MTUS2: variants seen among roughly 807,000 people sequenced by gnomAD.
The protein encoded by MTUS2 is microtubule-associated tumor suppressor candidate 2.
Under a neutral mutation model 114.1 loss-of-function variants are expected in MTUS2, and 40 were observed. That is an observed-to-expected ratio of 0.35 (90% confidence interval 0.27 to 0.46). The LOEUF is 0.46. MTUS2 is among the 20% of genes least tolerant of loss of function. The probability of loss-of-function intolerance (pLI) is 1.00; values close to 1 mark genes in which losing one functional copy is unlikely to be tolerated. For synonymous variants in MTUS2, 688 were observed against 672.0 expected, an observed-to-expected ratio of 1.02 and a Z score of -0.37; for missense variants, 1,679 against 1,705.4, an observed-to-expected ratio of 0.98 and a Z score of 0.27.
intron 6 of MTUS2, among the ~76,000 whole-genome samples, chr13:29,298,767 C>T (rs1899060468): frequency 6.6e-6 from 1 of 152,152 alleles, no homozygotes. Context: ...ATGTAAATAA[C>T]TCTAAAAGCA....
intron 2 of MTUS2, among the ~76,000 whole-genome samples, chr13:28,861,443 T>TTC (rs1876976040): frequency 6.6e-6 from 1 of 150,668 alleles, no homozygotes; most frequent in Non-Finnish European, 1.5e-5. Flanking sequence ...TTTTTTCTTT[T>TTC]TTTTTTTTTT....
chr13:29,278,885 C>T (rs1179390237), intron 5 of MTUS2, among the ~76,000 whole-genome samples: 1 of 152,118 alleles, frequency 6.6e-6, no homozygotes, highest in East Asian at 1.9e-4. Context: ...TCAGATTTAC[C>T]TCAATCCTTT....
At chr13:28,918,231 G>C (rs1880853613) in intron 2 of MTUS2, among the ~76,000 whole-genome samples, 1 of 151,856 alleles carries the variant, frequency 6.6e-6, no homozygotes, top group South Asian at 2.1e-4. Flanking sequence ...TTTCTTTGTT[G>C]ATTTTCTGTT....
chr13:29,227,029 A>G (rs906331988), intron 5 of MTUS2, among the ~76,000 whole-genome samples: 11 of 152,144 alleles, frequency 7.2e-5, no homozygotes, highest in African/African-American at 2.7e-4. Context: ...AGGCTGAGGC[A>G]GGTGGATCTC....
intron 5 of MTUS2, among the ~76,000 whole-genome samples, chr13:29,261,127 A>T (rs1443450799): frequency 6.6e-6 from 1 of 152,212 alleles, no homozygotes; most frequent in Non-Finnish European, 1.5e-5. Context: ...CCAAGAGGGG[A>T]GAGAAACTAG....
At chr13:29,438,602 G>A (rs547045059) in intron 8 of MTUS2, among the ~76,000 whole-genome samples, 19 of 152,166 alleles carry the variant, frequency 1.2e-4, no homozygotes, top group African/African-American at 4.6e-4. Flanking sequence ...TCACTTCCCA[G>A]AAGCCCCACC....
rs566482148 is a variant in MTUS2, at chr13:29,221,962, G to A, written c.2645-59742G>A. On this transcript the variant is annotated intron_variant, in intron 5 of 15. Coordinates refer to ENST00000612955, the MANE Select transcript of MTUS2 (RefSeq NM_001033602.4). ...TCATTTTATTTTCTTTTTAGAGATA[G>A]AGTCTCACTATATTGCCCAGACTGG... Among the ~76,000 whole-genome samples, 9 of 152,250 alleles carry A rather than the reference G, an allele frequency of 5.9e-5. No individual in the cohort carries two copies. The South Asian group carries it at 1.0e-3, about 18-fold the overall frequency.
chr13:28,981,062 G>A (rs1252844779), intron 2 of MTUS2, among the ~76,000 whole-genome samples: 1 of 152,210 alleles, frequency 6.6e-6, no homozygotes, highest in African/African-American at 2.4e-5. Context: ...AAATTCAAAA[G>A]TAATCCTTTA....
chr13:29,471,339 A>T (rs1029459968), intron 9 of MTUS2, among the ~76,000 whole-genome samples: 7 of 152,020 alleles, frequency 4.6e-5, no homozygotes, highest in Admixed American at 6.6e-5. Context: ...TCCATCTCAA[A>T]AATAATAATA....
chr13:28,902,776 T>G (rs1326366586), intron 2 of MTUS2, among the ~76,000 whole-genome samples: 1 of 152,192 alleles, frequency 6.6e-6, no homozygotes, highest in Admixed American at 6.5e-5. Flanking sequence ...ATCTGTGGAC[T>G]GTCTTTTGTA....
chr13:29,199,160 G>T (rs2139229665), intron 5 of MTUS2, among the ~76,000 whole-genome samples: 1 of 152,264 alleles, frequency 6.6e-6, no homozygotes, highest in South Asian at 2.1e-4. Context: ...AAAGAACAAA[G>T]CTGGAGACAT....
chr13:29,071,706 T>C (rs1429456635), intron 4 of MTUS2, among the ~76,000 whole-genome samples: 2 of 152,064 alleles, frequency 1.3e-5, no homozygotes, highest in Non-Finnish European at 2.9e-5. Flanking sequence ...GATTACAGCT[T>C]GAATTCTCTT....
intron 9 of MTUS2, among the ~76,000 whole-genome samples, chr13:29,468,604 A>T (rs1437336123): frequency 1.3e-5 from 2 of 151,882 alleles, no homozygotes; most frequent in Non-Finnish European, 2.9e-5. Flanking sequence ...ACACACACAC[A>T]CACACACATT....
chr13:29,160,413 A>G (rs1257886434), intron 5 of MTUS2, among the ~76,000 whole-genome samples: 2 of 152,240 alleles, frequency 1.3e-5, no homozygotes, highest in African/African-American at 4.8e-5. Flanking sequence ...TCCATGAATT[A>G]TGTTATCAGT....
chr13:29,392,780 TA>T (rs1873610769), intron 8 of MTUS2, among the ~76,000 whole-genome samples: 1 of 152,068 alleles, frequency 6.6e-6, no homozygotes, highest in African/African-American at 2.4e-5. Flanking sequence ...CCTGGGATAA[TA>T]AAAAAGTTCT....
In MTUS2 at chr13:29,392,081, T is replaced by C. The variant is rs1399854972; in HGVS notation, c.3117+32608T>C. 4.2e-5 allele frequency among the ~76,000 whole-genome samples: 6 copies of C among 142,390 alleles called. No individual in the cohort carries two copies. In the South Asian group the frequency reaches 1.1e-3, roughly 27 times the overall value. The allele number at this position is 142,390 out of a possible 152,430, so 93.4% of individuals were successfully genotyped here. On this transcript the variant is annotated intron_variant, in intron 8 of 15. Transcript: ENST00000612955. ...AGGTGGAGGTTGCAGTGAGCCGAGGTTGCACCACTGCAATCCAGCCTGGGC... is the reference window on the plus strand; with the variant it reads ...AGGTGGAGGTTGCAGTGAGCCGAGGCTGCACCACTGCAATCCAGCCTGGGC...
At chr13:29,352,493 A>C (rs1869375707) in intron 7 of MTUS2, among the ~76,000 whole-genome samples, 1 of 152,352 alleles carries the variant, frequency 6.6e-6, no homozygotes, top group Non-Finnish European at 1.5e-5. Flanking sequence ...TAATTCACAA[A>C]CCATAAAATT....
At chr13:28,900,501 A>T (rs546882569) in intron 2 of MTUS2, among the ~76,000 whole-genome samples, 2 of 152,186 alleles carry the variant, frequency 1.3e-5, no homozygotes, top group African/African-American at 4.8e-5. Context: ...CCATTTTTAT[A>T]ATCTTGTCAT....
intron 7 of MTUS2, among the ~76,000 whole-genome samples, chr13:29,336,450 G>A (rs1901067579): frequency 6.6e-6 from 1 of 152,208 alleles, no homozygotes; most frequent in South Asian, 2.1e-4. Context: ...GACCCTGCTT[G>A]CCTGGGTATC....
Sources: gnomAD v4.1 joint callset for allele counts (sites outside exome capture counted in the v4.1 genomes callset) on GRCh38, gnomAD v4.1.1 for gene constraint, MANE v1.5 for transcripts, NCBI Gene and HGNC (gene_info 2026-07-23, HGNC 2026-07-21) for gene names.